PTPRA: variants seen among roughly 807,000 people sequenced by gnomAD.
PTPRA encodes the protein protein tyrosine phosphatase receptor type A.
A neutral mutation model predicts 104.8 loss-of-function variants in PTPRA; 25 were observed. That is an observed-to-expected ratio of 0.24 (90% CI 0.17 to 0.33). PTPRA has a LOEUF of 0.33. PTPRA is among the 10% of genes least tolerant of loss of function. PTPRA has a pLI of 1.00. For missense variants in PTPRA, 765 were observed against 1,015.3 expected, an observed-to-expected ratio of 0.75 and a Z score of 3.35; for synonymous variants, 323 against 368.9, an observed-to-expected ratio of 0.88 and a Z score of 1.43.
At chr20:2,898,944 T>C (rs1001269520) in intron 1 of PTPRA, among the ~76,000 whole-genome samples, 1 of 152,264 alleles carries the variant, frequency 6.6e-6, no homozygotes, top group Non-Finnish European at 1.5e-5. Flanking sequence ...TGGTTCCTTT[T>C]ATTAGTGAAT....
chr20:2,970,991 C>G (rs1203099458), intron 5 of PTPRA, among the ~76,000 whole-genome samples: 1 of 152,142 alleles, frequency 6.6e-6, no homozygotes, highest in Admixed American at 6.5e-5. Flanking sequence ...TTATTTACCT[C>G]TTCATATGTA....
chr20:2,884,812 G>GTTTTTTTTTTTTTTTTTTT (rs34457101), intron 1 of PTPRA, among the ~76,000 whole-genome samples: 2 of 127,032 alleles, frequency 1.6e-5, no homozygotes, highest in Non-Finnish European at 3.2e-5. Flanking sequence ...TGTTTTTTTT[G>GTTTTTTTTTTTTTTTTTTT]TTTTTTTTTT....
chr20:2,982,151 C>T (rs2062702483), intron 6 of PTPRA, among the ~76,000 whole-genome samples: 1 of 148,084 alleles, frequency 6.8e-6, no homozygotes, highest in Non-Finnish European at 1.5e-5. Context: ...AGTGCAGTGG[C>T]ACGATCTTGG....
intron 10 of PTPRA, among the ~76,000 whole-genome samples, chr20:3,006,192 A>T (rs1044944263): frequency 6.6e-6 from 1 of 152,014 alleles, no homozygotes; most frequent in Admixed American, 6.6e-5. Flanking sequence ...ATCCTTTTAA[A>T]TTTTTTATTT....
In PTPRA at chr20:2,956,282, G is replaced by A. The variant is rs118072276; in HGVS notation, c.-6-7990G>A. On this transcript the variant is annotated intron_variant, in intron 3 of 23. Transcript: ENST00000399903. ...TAACCTTGCTGTGATAAAACCTTTG[G>A]TAGTTCTTCAGTGTGTTCAGTGGTA... 2.3e-3 allele frequency among the ~76,000 whole-genome samples: 352 copies of A among 152,228 alleles called. No individual in the cohort carries two copies. The Middle Eastern group carries it at 0.024, about 10-fold the overall frequency.
At chr20:2,893,517 A>G (rs769553843) in intron 1 of PTPRA, among the ~76,000 whole-genome samples, 3 of 152,224 alleles carry the variant, frequency 2.0e-5, no homozygotes, top group Non-Finnish European at 2.9e-5. Context: ...TATATTATGT[A>G]GCTATATGAT....
At chr20:2,885,902 A>G (rs534729755) in intron 1 of PTPRA, among the ~76,000 whole-genome samples, 2 of 151,932 alleles carry the variant, frequency 1.3e-5, no homozygotes, top group African/African-American at 4.8e-5. Flanking sequence ...CGTCTCTACT[A>G]AAAATACAAA....
chr20:3,017,756 C>G, intron 12 of PTPRA, 60 bp from the exon 13 acceptor site: 1 of 1,454,304 alleles, frequency 6.9e-7, no homozygotes, highest in Non-Finnish European at 9.6e-7. Context: ...ATGTTCCCAG[C>G]CTCCCAGCAT....
At chr20:3,017,938 C>T (rs1342596710) in intron 13 of PTPRA, 25 bp downstream of exon 13, 5 of 1,577,868 alleles carry the variant, frequency 3.2e-6, no homozygotes, top group South Asian at 1.1e-5. Context: ...TGGATGTGAA[C>T]AGCAGAAGGA....
chr20:2,907,920 T>C (rs2059486419), intron 1 of PTPRA, among the ~76,000 whole-genome samples: 1 of 152,036 alleles, frequency 6.6e-6, no homozygotes, highest in Non-Finnish European at 1.5e-5. Flanking sequence ...AATTATCTTA[T>C]ATTAAATTTA....
intron 1 of PTPRA, among the ~76,000 whole-genome samples, chr20:2,898,108 A>G (rs768569733): frequency 7.0e-6 from 1 of 142,718 alleles, no homozygotes; most frequent in Non-Finnish European, 1.5e-5. Context: ...TATTTTTTTT[A>G]TTTTTTGAGA....
chr20:2,975,033 GAGA>G (rs1182587325), intron 5 of PTPRA, among the ~76,000 whole-genome samples, 179 bp from the exon 6 acceptor site: 1 of 152,180 alleles, frequency 6.6e-6, no homozygotes, highest in African/African-American at 2.4e-5. Context: ...TGTACCCAGG[GAGA>G]AGGCCAGACC....
intron 1 of PTPRA, among the ~76,000 whole-genome samples, chr20:2,882,968 T>C (rs1317031938): frequency 1.3e-5 from 2 of 149,010 alleles, no homozygotes; most frequent in African/African-American, 5.0e-5. Context: ...GGCTTCCAAA[T>C]CCAACACTTT....
At chr20:2,988,560 A>G (rs2063005499) in intron 9 of PTPRA, 86 bp downstream of exon 9, 2 of 1,528,864 alleles carry the variant, frequency 1.3e-6, no homozygotes, top group South Asian at 1.3e-5. Context: ...GTCATGAAGT[A>G]AAAAATGGGC....
chr20:2,949,281 A>G (rs1213684291), intron 3 of PTPRA, among the ~76,000 whole-genome samples: 1 of 149,698 alleles, frequency 6.7e-6, no homozygotes, highest in Non-Finnish European at 1.5e-5. Context: ...CCAATAACTT[A>G]CTTCCTATGG....
At chr20:2,883,237 A>G (rs1482049184) in intron 1 of PTPRA, among the ~76,000 whole-genome samples, 3 of 152,194 alleles carry the variant, frequency 2.0e-5, no homozygotes, top group Non-Finnish European at 4.4e-5. Context: ...AGCATTTCAG[A>G]TAAGGAATAC....
At chr20:2,930,385 A>G (rs908506362) in intron 2 of PTPRA, among the ~76,000 whole-genome samples, 2 of 152,166 alleles carry the variant, frequency 1.3e-5, no homozygotes, top group Non-Finnish European at 2.9e-5. Context: ...CACCAGTTTG[A>G]CTTTAACAGA....
At chr20:2,916,309 C>T (rs552970448) in intron 1 of PTPRA, among the ~76,000 whole-genome samples, 53 of 152,298 alleles carry the variant, frequency 3.5e-4, no homozygotes, top group Admixed American at 7.8e-4. Context: ...TCCCAAAGTG[C>T]TGGGATTACA....
chr20:2,865,184 C>A, the PTPRA span: 1 of 1,614,156 alleles, frequency 6.2e-7, no homozygotes, highest in Non-Finnish European at 8.5e-7. The surrounding 1 kb of genome is among the most constrained non-coding windows in gnomAD (Gnocchi z 5.2). Flanking sequence ...ACGGCTGCAG[C>A]GGCGCCTAGA....
Sources: gnomAD v4.1 joint callset for allele counts (sites outside exome capture counted in the v4.1 genomes callset) on GRCh38, gnomAD v4.1.1 for gene constraint, Gnocchi (gnomAD v3.1) non-coding constraint, MANE v1.5 for transcripts, NCBI Gene and HGNC (gene_info 2026-07-23, HGNC 2026-07-21) for gene names.